The following ADAMTSL1 variants were observed in gnomAD, a reference collection of about 807,000 sequenced individuals.
ADAMTSL1 encodes the protein ADAMTS like 1, also known as ADAMTS-like protein 1.
A neutral mutation model predicts 201.8 loss-of-function variants in ADAMTSL1; 126 were observed. That is an observed-to-expected ratio of 0.62 (90% confidence interval 0.54 to 0.72). The LOEUF (loss-of-function observed/expected upper bound fraction) is 0.72. Among genes scored for constraint, ADAMTSL1 ranks in the 30% least tolerant of loss-of-function variants. The pLI, the probability that ADAMTSL1 is intolerant of heterozygous loss-of-function variation, is 0.00. For missense variants in ADAMTSL1, 2,679 were observed against 2,277.8 expected, an observed-to-expected ratio of 1.18 and a Z score of -3.59; for synonymous variants, 1,121 against 903.4, an observed-to-expected ratio of 1.24 and a Z score of -4.32.
rs200410979 is a variant in ADAMTSL1 at position 17,931,607 on chromosome 9, C to CT, written c.87+24693dup. Among the ~76,000 whole-genome samples, 757 of 152,108 alleles carry CT rather than the reference C, an allele frequency of 5.0e-3. 4 individuals carry two copies. Among genetic ancestry groups the CT allele is most frequent in the Non-Finnish European group, 8.8e-3 (601 of 67,988 alleles). On this transcript the variant is annotated intron_variant, in intron 1 of 29. Coordinates refer to the ADAMTSL1 transcript ENST00000680146. ...TCCACATCGTGCCTCTTTCAGCTGT[C>CT]TTTTTTTTCCTTTTGCATAAGGTGC...
At chr9:18,149,084 A>G (rs1826786328) in intron 1 of ADAMTSL1, among the ~76,000 whole-genome samples, 1 of 152,100 alleles carries the variant, frequency 6.6e-6, no homozygotes. Flanking sequence ...AGAGGAATAG[A>G]TGATTGATTC....
chr9:18,754,460 A>T (rs978341552), intron 16 of ADAMTSL1, among the ~76,000 whole-genome samples: 1 of 152,242 alleles, frequency 6.6e-6, no homozygotes, highest in Non-Finnish European at 1.5e-5. Flanking sequence ...GTAAGCATGA[A>T]AGGTGGAGGA....
chr9:18,551,926 C>A (rs1261571753), intron 3 of ADAMTSL1, among the ~76,000 whole-genome samples: 1 of 151,762 alleles, frequency 6.6e-6, no homozygotes, highest in Non-Finnish European at 1.5e-5. Flanking sequence ...TCAACTCTGG[C>A]TGTATCTGCA....
intron 1 of ADAMTSL1, among the ~76,000 whole-genome samples, chr9:18,018,672 A>G (rs1025166582): frequency 6.6e-6 from 1 of 151,912 alleles, no homozygotes; most frequent in African/African-American, 2.4e-5. Flanking sequence ...CACTCCCTCA[A>G]CCCAATTGAG....
intron 4 of ADAMTSL1, among the ~76,000 whole-genome samples, chr9:18,614,387 G>C (rs908388425): frequency 6.6e-6 from 1 of 152,082 alleles, no homozygotes; most frequent in Non-Finnish European, 1.5e-5. Flanking sequence ...TTCAACTCTG[G>C]TGACAACAAA....
At chr9:18,476,433 T>C (rs1295469368) in intron 1 of ADAMTSL1, among the ~76,000 whole-genome samples, 1 of 152,176 alleles carries the variant, frequency 6.6e-6, no homozygotes, top group Non-Finnish European at 1.5e-5. Context: ...GTACCCTTTG[T>C]TGCAGATATT....
chr9:18,532,123 G>T (rs761159583), intron 2 of ADAMTSL1, among the ~76,000 whole-genome samples: 17 of 152,092 alleles, frequency 1.1e-4, no homozygotes, highest in South Asian at 2.1e-4. Flanking sequence ...TTTAAAAAAT[G>T]TGTGACATAT....
intron 14 of ADAMTSL1, among the ~76,000 whole-genome samples, chr9:18,710,663 T>TA (rs1564170493): frequency 3.5e-5 from 4 of 113,674 alleles, no homozygotes; most frequent in South Asian, 5.3e-4. Flanking sequence ...GGGCCTAAGT[T>TA]TTGTTTTGTT....
intron 2 of ADAMTSL1, among the ~76,000 whole-genome samples, chr9:18,515,970 C>G (rs1193564185): frequency 1.3e-5 from 2 of 151,832 alleles, no homozygotes; most frequent in African/African-American, 4.8e-5. Context: ...TGCAAATTCT[C>G]TGAGACTCAC....
chr9:18,267,360 G>T (rs537169475), intron 2 of ADAMTSL1, among the ~76,000 whole-genome samples: 1 of 152,174 alleles, frequency 6.6e-6, no homozygotes, highest in South Asian at 2.1e-4. Flanking sequence ...GTTCTTACAG[G>T]TGAGAGAGCT....
chr9:18,152,941 A>G (rs1826981994), intron 1 of ADAMTSL1, among the ~76,000 whole-genome samples: 2 of 152,020 alleles, frequency 1.3e-5, no homozygotes, highest in Non-Finnish European at 2.9e-5. Context: ...AACAATGATC[A>G]TATTTTCTTT....
At chr9:18,844,365 C>T (rs891566115) in intron 23 of ADAMTSL1, among the ~76,000 whole-genome samples, 21 of 152,140 alleles carry the variant, frequency 1.4e-4, no homozygotes, top group Non-Finnish European at 2.9e-4. Context: ...TCATGAACCG[C>T]GAATGCTGCT....
chr9:18,205,612 C>CT (rs1482750105), intron 2 of ADAMTSL1, among the ~76,000 whole-genome samples: 1 of 152,082 alleles, frequency 6.6e-6, no homozygotes, highest in African/African-American at 2.4e-5. Flanking sequence ...CAAGCTAGGT[C>CT]TCTCTGGTTC....
intron 5 of ADAMTSL1, among the ~76,000 whole-genome samples, chr9:18,631,950 C>G (rs1389760831): frequency 6.6e-6 from 1 of 152,156 alleles, no homozygotes; most frequent in African/African-American, 2.4e-5. Context: ...GTCCTGAAGA[C>G]TGGCATCATG....
chr9:18,360,706 A>T (rs1338302284), intron 2 of ADAMTSL1: 1 of 152,192 alleles, frequency 6.6e-6, no homozygotes, highest in Non-Finnish European at 1.5e-5. Context: ...CTATTGAGAA[A>T]CACTGCACTT....
At chr9:18,535,377 T>C (rs565935738) in intron 3 of ADAMTSL1, among the ~76,000 whole-genome samples, 8 of 152,318 alleles carry the variant, frequency 5.3e-5, no homozygotes, top group Non-Finnish European at 7.4e-5. Flanking sequence ...TCAAAGCCAT[T>C]CAACAAGACT....
At chr9:18,847,840 G>C (rs1048525078) in intron 23 of ADAMTSL1, among the ~76,000 whole-genome samples, 1 of 152,240 alleles carries the variant, frequency 6.6e-6, no homozygotes, top group Non-Finnish European at 1.5e-5. Context: ...AGGGCAAGTT[G>C]TGTAAGGCCT....
At chr9:18,821,007 G>T (rs1824176480) in intron 21 of ADAMTSL1, among the ~76,000 whole-genome samples, 2 of 152,220 alleles carry the variant, frequency 1.3e-5, no homozygotes, top group Non-Finnish European at 2.9e-5. Flanking sequence ...AGCATATGAG[G>T]CTGAGGAGGT....
chr9:18,303,195 C>T (rs1314605037), intron 2 of ADAMTSL1, among the ~76,000 whole-genome samples: 2 of 152,170 alleles, frequency 1.3e-5, no homozygotes, highest in Admixed American at 1.3e-4. Flanking sequence ...AGGAAACCCT[C>T]AAGGAGTGTT....
Sources: gnomAD v4.1 joint callset for allele counts (sites outside exome capture counted in the v4.1 genomes callset) on GRCh38, gnomAD v4.1.1 for gene constraint, MANE v1.5 for transcripts, NCBI Gene and HGNC (gene_info 2026-07-23, HGNC 2026-07-21) for gene names.